The following SIPA1L2 variants were observed in gnomAD, a reference collection of about 807,000 sequenced individuals.
SIPA1L2 encodes signal induced proliferation associated 1 like 2.
SIPA1L2 carries 56 observed loss-of-function variants against 163.9 expected under a neutral mutation model. That is an observed-to-expected ratio of 0.34 (90% confidence interval 0.28 to 0.43). The LOEUF is 0.43. Ranked by LOEUF, SIPA1L2 falls within the 20% of genes least tolerant of loss-of-function variation. SIPA1L2 has a pLI of 1.00. For synonymous variants in SIPA1L2, 877 were observed against 865.7 expected, an observed-to-expected ratio of 1.01 and a Z score of -0.23; for missense variants, 1,974 against 2,193.5, an observed-to-expected ratio of 0.90 and a Z score of 2.00.
At chr1:232,531,727 C>A (rs1443297951) in intron 2 of SIPA1L2, among the ~76,000 whole-genome samples, 6 of 152,132 alleles carry the variant, frequency 3.9e-5, no homozygotes, top group Admixed American at 3.9e-4. Context: ...ATAACTTGTT[C>A]AAAGCGACTG....
chr1:232,436,179 GTTCCT>G (rs1662550917), intron 15 of SIPA1L2, among the ~76,000 whole-genome samples: 1 of 152,150 alleles, frequency 6.6e-6, no homozygotes, highest in African/African-American at 2.4e-5. Context: ...ACTTTTCCTA[GTTCCT>G]TTCTTTATTC....
chr1:232,491,387 C>T (rs1241466453), intron 4 of SIPA1L2, among the ~76,000 whole-genome samples: 3 of 152,186 alleles, frequency 2.0e-5, no homozygotes, highest in Non-Finnish European at 4.4e-5. Flanking sequence ...AAGGTTCACA[C>T]AGAGAGGAAA....
chr1:232,423,320 G>C (rs1368653105), intron 18 of SIPA1L2, among the ~76,000 whole-genome samples: 1 of 152,176 alleles, frequency 6.6e-6, no homozygotes, highest in Non-Finnish European at 1.5e-5. Context: ...AAGTCAAGGA[G>C]CATCTATAAT....
intron 5 of SIPA1L2, among the ~76,000 whole-genome samples, chr1:232,488,447 T>TA (rs1039131585): frequency 1.2e-4 from 18 of 152,146 alleles, no homozygotes; most frequent in Non-Finnish European, 2.1e-4. Flanking sequence ...ACTGGGATGT[T>TA]AAAAAAGTTG....
At position 232,465,541 on chromosome 1, in the gene SIPA1L2, T is replaced by TACACACACAC; in HGVS notation, c.2244-126_2244-125insGTGTGTGTGT. On this transcript the variant is annotated intron_variant, in intron 8 of 22. Transcript: ENST00000674635. This position sits in a 1 kb window ranked among gnomAD's most constrained non-coding sequence, Gnocchi z 4.1. ...ATACACACACACACACACATATACA[T>TACACACACAC]ACACACATACACACACACTTTCAAC... The TACACACACAC allele has an allele frequency of 2.7e-6, 2 of 746,934 alleles. No individual in the cohort carries two copies. The highest frequency in any genetic ancestry group is 3.2e-5 in the Admixed American group (1 of 31,548). The allele number at this position is 746,934 out of a possible 1,614,324, so 46.3% of individuals were successfully genotyped here.
intron 1 of SIPA1L2, among the ~76,000 whole-genome samples, chr1:232,589,175 T>TG (rs1471145825): frequency 2.0e-5 from 3 of 152,222 alleles, no homozygotes; most frequent in African/African-American, 7.2e-5. Flanking sequence ...CACCATCGGG[T>TG]GACAAAACGC....
intron 5 of SIPA1L2, among the ~76,000 whole-genome samples, chr1:232,486,234 C>T (rs1665641893): frequency 6.6e-6 from 1 of 152,192 alleles, no homozygotes; most frequent in Non-Finnish European, 1.5e-5. Flanking sequence ...CTCACTTCCT[C>T]TCTGACTCGG....
intron 1 of SIPA1L2, among the ~76,000 whole-genome samples, chr1:232,609,096 T>A (rs985958282): frequency 1.3e-5 from 2 of 152,158 alleles, no homozygotes; most frequent in Admixed American, 6.5e-5. Flanking sequence ...CACATCGAAC[T>A]AGCCATAAAC....
At chr1:232,607,882 C>G (rs1043185411) in intron 1 of SIPA1L2, among the ~76,000 whole-genome samples, 1 of 151,584 alleles carries the variant, frequency 6.6e-6, no homozygotes, top group African/African-American at 2.4e-5. Context: ...ACGGAGAAAC[C>G]CTGTTTCTAC....
At chr1:232,555,161 A>G (rs1471553211) in intron 2 of SIPA1L2, among the ~76,000 whole-genome samples, 3 of 152,252 alleles carry the variant, frequency 2.0e-5, no homozygotes, top group African/African-American at 7.2e-5. Flanking sequence ...TCTTTCGAAC[A>G]AATGAAACCA....
chr1:232,411,255 T>C lies in SIPA1L2; in HGVS notation c.4762+4239A>G, dbSNP rs142335512. 9.5e-4 allele frequency among the ~76,000 whole-genome samples: 144 copies of C among 152,318 alleles called. 1 individual carries two copies. In the East Asian group the frequency reaches 0.023, roughly 24 times the overall value. On this transcript the variant is annotated intron_variant, in intron 19 of 22. Transcript: ENST00000674635. Reference sequence around the variant, plus strand: ...GATTTTATGGTTCAGGCTGGCCTGGTTTGCATTATGGTGGGGAGTGCAAGA... The same window carrying C: ...GATTTTATGGTTCAGGCTGGCCTGGCTTGCATTATGGTGGGGAGTGCAAGA...
At chr1:232,518,608 T>C (rs1164046234) in intron 2 of SIPA1L2, among the ~76,000 whole-genome samples, 1 of 152,186 alleles carries the variant, frequency 6.6e-6, no homozygotes, top group African/African-American at 2.4e-5. Context: ...TCCCTCTAAA[T>C]GGAGCATCCA....
chr1:232,594,987 T>C (rs1025985752), intron 1 of SIPA1L2, among the ~76,000 whole-genome samples: 1 of 152,122 alleles, frequency 6.6e-6, no homozygotes, highest in Admixed American at 6.5e-5. Context: ...TTGTTGTCAA[T>C]GCTCCCAGTG....
Position 232,515,263 on chromosome 1 carries a change from C to T in SIPA1L2, c.77G>A (p.Arg26Lys). 1.9e-6 allele frequency: 3 copies of T among 1,613,836 alleles called. No individual in the cohort carries two copies. The Admixed American group carries it at 5.0e-5, about 27-fold the overall frequency. Residue 26 changes from arginine to lysine, a missense_variant, in exon 3 of 23, where the codon AGA becomes AAA. Around this residue, in one of 3 missense-constraint regions of SIPA1L2, gnomAD observed 607 missense variants for 624.0 expected, o/e 0.97. Coordinates refer to ENST00000674635, the MANE Select transcript of SIPA1L2 (RefSeq NM_020808.5). ...AAAATAATCATCTGACTGCATGATT[C>T]TAGGGGGATCCTTGAACTTTGAAGA... is the stretch of plus-strand genomic sequence containing the variant. Reference protein sequence around the residue: ...RASSKFKDPPRIMQSDDYFAR... With the variant: ...RASSKFKDPPKIMQSDDYFAR...
At chr1:232,592,089 C>T (rs186507519) in intron 1 of SIPA1L2, among the ~76,000 whole-genome samples, 121 of 152,192 alleles carry the variant, frequency 8.0e-4, no homozygotes, top group African/African-American at 2.8e-3. Context: ...ACTGAATTAT[C>T]CATTGCCACT....
intron 2 of SIPA1L2, among the ~76,000 whole-genome samples, chr1:232,561,210 G>T (rs968617210): frequency 2.0e-5 from 3 of 152,158 alleles, no homozygotes; most frequent in Non-Finnish European, 4.4e-5. Flanking sequence ...AAATGGCCAC[G>T]ACATCATTCT....
At chr1:232,420,194 A>G (rs1406619735) in intron 18 of SIPA1L2, among the ~76,000 whole-genome samples, 1 of 152,112 alleles carries the variant, frequency 6.6e-6, no homozygotes, top group Non-Finnish European at 1.5e-5. Context: ...GTGGTGGTAC[A>G]TTCCTGTAAT....
Position 232,630,124 on chromosome 1 carries a change from C to A in SIPA1L2, c.-574G>T, listed in dbSNP as rs971660584. 9.9e-5 allele frequency among the ~76,000 whole-genome samples: 15 copies of A among 151,404 alleles called. No individual in the cohort carries two copies. The highest frequency in any genetic ancestry group is 2.1e-4 in the South Asian group (1 of 4,826). ...TCTCGCTCCGCCAGCTCCTCCCGGG[C>A]TCCCAGTCTGCCGCGCCGGCTCCCG... On this transcript the variant is annotated 5_prime_UTR_variant, in exon 1 of 23. Transcript: ENST00000674635.
At chr1:232,411,119 A>G (rs1401660352) in intron 19 of SIPA1L2, among the ~76,000 whole-genome samples, 4 of 152,178 alleles carry the variant, frequency 2.6e-5, no homozygotes, top group Non-Finnish European at 4.4e-5. Context: ...GCATCTCTAG[A>G]TTGCCCTTTG....
Sources: gnomAD v4.1 joint callset for allele counts (sites outside exome capture counted in the v4.1 genomes callset) on GRCh38, gnomAD v4.1.1 for gene constraint, gnomAD v4.1.1 regional missense constraint, Gnocchi (gnomAD v3.1) non-coding constraint, MANE v1.5 for transcripts, NCBI Gene and HGNC (gene_info 2026-07-23, HGNC 2026-07-21) for gene names.